TXNDC12: variants seen among roughly 807,000 people sequenced by gnomAD.
TXNDC12 encodes thioredoxin domain containing 12.
A neutral mutation model predicts 24.2 loss-of-function variants in TXNDC12; 22 were observed. That is an observed-to-expected ratio of 0.91 (90% CI 0.65 to 1.30). TXNDC12 has a LOEUF of 1.30. Among genes scored for constraint, TXNDC12 ranks in the 50% most tolerant of loss-of-function variants. The pLI is 0.00. For missense variants in TXNDC12, 184 were observed against 205.8 expected (o/e 0.89, Z 0.65); for synonymous variants, 58 against 73.4 (o/e 0.79, Z 1.07).
intron 1 of TXNDC12, among the ~76,000 whole-genome samples, chr1:52,050,278 A>C (rs1686176147): frequency 6.6e-6 from 1 of 152,222 alleles, no homozygotes; most frequent in Non-Finnish European, 1.5e-5. Context: ...AAAAACATCC[A>C]TTCCCCAGCA....
At chr1:52,039,404 C>T (rs962192680) in intron 2 of TXNDC12, among the ~76,000 whole-genome samples, 1 of 151,962 alleles carries the variant, frequency 6.6e-6, no homozygotes, top group East Asian at 1.9e-4. Context: ...TCTTGGCTTA[C>T]TGCAACTCCG....
chr1:52,021,620 C>T (rs998318647), intron 6 of TXNDC12, among the ~76,000 whole-genome samples: 4 of 150,126 alleles, frequency 2.7e-5, no homozygotes, highest in East Asian at 3.9e-4. Flanking sequence ...TAAGTAGACT[C>T]GAGATGAAAC....
At chr1:52,052,480 CT>C (rs1686232144) in intron 1 of TXNDC12, 1 of 169,528 alleles carries the variant, frequency 5.9e-6, no homozygotes, top group Admixed American at 6.5e-5. Context: ...ACCTTGTTCT[CT>C]TATGGCACGC....
Position 52,041,719 on chromosome 1 carries a change from T to C in TXNDC12, c.98-122A>G, listed in dbSNP as rs117399536. The stretch of plus-strand genomic sequence containing the variant: ...TTTTCTTCTGTCAAGAGCTTGGTGT[T>C]CAAGTCCCAGCTCCACCACCTTCTA... On this transcript the variant is annotated intron_variant, in intron 1 of 6. Coordinates refer to ENST00000371626, the MANE Select transcript of TXNDC12 (RefSeq NM_015913.4). 6.6e-3 allele frequency: 3,886 copies of C among 591,514 alleles called. 179 individuals carry two copies. In the East Asian group the frequency reaches 0.11, roughly 16 times the overall value. The allele number at this position is 591,514 out of a possible 1,614,324, so 36.6% of individuals were successfully genotyped here.
At position 52,023,573 on chromosome 1, in the gene TXNDC12, A is replaced by G. The variant is rs1380802707; in HGVS notation, c.357T>C (p.Asp119=). The G allele has an allele frequency of 5.0e-6, 8 of 1,612,756 alleles. No individual in the cohort carries two copies. Among genetic ancestry groups the G allele is most frequent in the Admixed American group, 1.7e-5 (1 of 59,984 alleles). The change falls in exon 6 of 7, where the codon GAT becomes GAC. Residue 119 remains aspartate, a splice_region_variant and synonymous_variant. Transcript: ENST00000371626. Reference sequence around the variant, plus strand: ...TTTCAGGATGCACCTTGCCACTGGGATCTGTTATAGACAAAATGACACAGA... The same window carrying G: ...TTTCAGGATGCACCTTGCCACTGGGGTCTGTTATAGACAAAATGACACAGA... The part of the protein sequence containing the change: ...GGYIPRILFL[D]PSGKVHPEII...
chr1:52,048,872 AATT>A (rs1352188093), intron 1 of TXNDC12, among the ~76,000 whole-genome samples: 1 of 152,020 alleles, frequency 6.6e-6, no homozygotes, highest in African/African-American at 2.4e-5. Context: ...AATAATAATT[AATT>A]AATTAATTAA....
intron 1 of TXNDC12, among the ~76,000 whole-genome samples, chr1:52,046,872 T>A (rs1351975396): frequency 2.0e-3 from 222 of 113,268 alleles, no homozygotes; most frequent in Middle Eastern, 8.2e-3. Context: ...AAAAAATATA[T>A]ATATATATAT....
chr1:52,024,335 A>C (rs939295912), intron 5 of TXNDC12, among the ~76,000 whole-genome samples, 175 bp downstream of exon 5: 1 of 152,128 alleles, frequency 6.6e-6, no homozygotes, highest in African/African-American at 2.4e-5. Context: ...TAATGGGAAA[A>C]GTTTTCCTTC....
chr1:52,029,178 T>C (rs1266627243), intron 2 of TXNDC12, among the ~76,000 whole-genome samples: 2 of 152,168 alleles, frequency 1.3e-5, no homozygotes, highest in Admixed American at 1.3e-4. Context: ...TATATAATCA[T>C]TGAAAATAAT....
chr1:52,027,675 TAG>T (rs1557991002), intron 3 of TXNDC12, among the ~76,000 whole-genome samples: 1 of 151,540 alleles, frequency 6.6e-6, no homozygotes, highest in Non-Finnish European at 1.5e-5. Flanking sequence ...TGAAAGACAA[TAG>T]AGTGACAGTC....
chr1:52,055,448 G>T (rs527818615), upstream of TXNDC12: 28 of 265,504 alleles, frequency 1.1e-4, no homozygotes, highest in South Asian at 2.4e-4. Flanking sequence ...TGCTCCTCGC[G>T]TCCGCCACCC....
At chr1:52,021,324 G>GGAT (rs1226059456) in intron 6 of TXNDC12, among the ~76,000 whole-genome samples, 1 of 152,076 alleles carries the variant, frequency 6.6e-6, no homozygotes, top group African/African-American at 2.4e-5. Context: ...TTACCCTCTA[G>GGAT]GATTAGAGCT....
chr1:52,034,105 G>A (rs1481545047), intron 2 of TXNDC12: 6 of 1,220,344 alleles, frequency 4.9e-6, no homozygotes, highest in Non-Finnish European at 6.2e-6. Context: ...CATATAGAAG[G>A]CAATTAATAA....
intron 2 of TXNDC12, among the ~76,000 whole-genome samples, chr1:52,034,938 AT>A (rs1451193620): frequency 6.6e-6 from 1 of 151,134 alleles, no homozygotes; most frequent in Non-Finnish European, 1.5e-5. Flanking sequence ...TAATTTTTGT[AT>A]TTTTAGTAGA....
intron 6 of TXNDC12, among the ~76,000 whole-genome samples, chr1:52,021,560 CAAAAAAAAAAA>C (rs901244160): frequency 5.4e-5 from 3 of 55,720 alleles, no homozygotes; most frequent in South Asian, 6.6e-4. Flanking sequence ...GTTCTCAGGC[CAAAAAAAAAAA>C]AAAAAAAAAA....
At chr1:52,042,117 C>T (rs1036785597) in intron 1 of TXNDC12, among the ~76,000 whole-genome samples, 6 of 152,140 alleles carry the variant, frequency 3.9e-5, no homozygotes, top group African/African-American at 1.4e-4. Context: ...TAAGACCTAC[C>T]TCCAAGTGTT....
intron 3 of TXNDC12, among the ~76,000 whole-genome samples, chr1:52,027,696 G>A (rs543712035): frequency 4.4e-4 from 66 of 151,018 alleles, no homozygotes; most frequent in Non-Finnish European, 7.5e-4. Flanking sequence ...TCTGCCACAC[G>A]TGTATATGTG....
At position 52,020,552 on chromosome 1, in the gene TXNDC12, A is replaced by G; in HGVS notation, c.*381T>C. ...CTGCAATTTTAACGTTGTAGAAAAG[A>G]TGCTACTAGTCTCCTTTCACCACTA... On this transcript the variant is annotated 3_prime_UTR_variant, in exon 7 of 7. Transcript: ENST00000371626. The G allele has an allele frequency of 1.1e-5, 3 of 262,884 alleles. No individual in the cohort carries two copies. The highest frequency in any genetic ancestry group is 1.4e-5 in the Non-Finnish European group (2 of 138,252). The allele number at this position is 262,884 out of a possible 1,614,324, so 16.3% of individuals were successfully genotyped here. A position where few individuals can be genotyped will look rare whatever the true frequency, so the allele number is the denominator to read the frequency against.
chr1:52,033,025 G>A (rs773641016), intron 2 of TXNDC12: 2 of 1,573,408 alleles, frequency 1.3e-6, no homozygotes, highest in Non-Finnish European at 1.7e-6. Flanking sequence ...AAACAGGGCA[G>A]AGCGGATCCC....
Sources: gnomAD v4.1 joint callset for allele counts (sites outside exome capture counted in the v4.1 genomes callset) on GRCh38, gnomAD v4.1.1 for gene constraint, MANE v1.5 for transcripts, NCBI Gene and HGNC (gene_info 2026-07-23, HGNC 2026-07-21) for gene names.